The following FGR variants were observed in gnomAD, a reference collection of about 807,000 sequenced individuals.
FGR encodes the protein tyrosine-protein kinase Fgr.
FGR carries 26 observed loss-of-function variants against 63.2 expected under a neutral mutation model. The observed-to-expected ratio is 0.41, with a 90% confidence interval of 0.30 to 0.57. The LOEUF (loss-of-function observed/expected upper bound fraction) is 0.57, where lower values mean the gene tolerates loss of function less well. FGR is among the 20% of genes least tolerant of loss of function. The pLI is 0.27. For synonymous variants in FGR, 286 were observed against 277.7 expected, an observed-to-expected ratio of 1.03 and a Z score of -0.30; for missense variants, 511 against 690.8, an observed-to-expected ratio of 0.74 and a Z score of 2.92.
intron 1 of FGR, among the ~76,000 whole-genome samples, chr1:27,633,636 ACTCGTGGGCTCCAGCGATC>A: frequency 6.6e-6 from 1 of 152,094 alleles, no homozygotes; most frequent in Non-Finnish European, 1.5e-5. Flanking sequence ...GCAGCCTTGA[ACTCGTGGGCTCCAGCGATC>A]CTCCGGCCTC....
In FGR at chr1:27,615,664, G is replaced by A. The variant is rs747928185; in HGVS notation, c.838+25C>T. 38 of 1,592,380 alleles carry A rather than the reference G, an allele frequency of 2.4e-5. No individual in the cohort carries two copies. The highest frequency in any genetic ancestry group is 5.1e-5 in the Admixed American group (3 of 59,264). On this transcript the variant is annotated intron_variant, in intron 8 of 12. Coordinates refer to ENST00000374005, the MANE Select transcript of FGR (RefSeq NM_005248.3). The surrounding 1 kb of genome is among the most constrained non-coding windows in gnomAD (Gnocchi z 7.6). ...CCCTCTCCCCCGAGCCCAGGCCCTC[G>A]TCCCGGCCCCCGGGAGCTCCGTACC...
rs1571379889 is a variant in FGR at position 27,615,206 on chromosome 1, G to A, written c.1018+228C>T. Among the ~76,000 whole-genome samples the A allele has an allele frequency of 6.6e-6, 1 of 151,648 alleles. No homozygotes were observed. The highest frequency in any genetic ancestry group is 2.1e-4 in the South Asian group (1 of 4,766). On this transcript the variant is annotated intron_variant, in intron 9 of 12. Transcript: ENST00000374005. This position sits in a 1 kb window ranked among gnomAD's most constrained non-coding sequence, Gnocchi z 7.6. ...CCCGATTCTGCCTTCGTTAGCCCAA[G>A]CCCTACCCGCCTAACACCGGAGGCA... is the stretch of plus-strand genomic sequence containing the variant.
In FGR at chr1:27,621,672, C is replaced by G. The variant is rs2089929549; in HGVS notation, c.330-15G>C. 2 of 1,603,772 alleles carry G rather than the reference C, an allele frequency of 1.2e-6. No homozygotes were observed. Among genetic ancestry groups the G allele is most frequent in the African/African-American group, 2.7e-5 (2 of 74,648 alleles). ...AGTCACCTTCACTGTAGGCACAGAA[C>G]AGGGCATGGTCAGCAGCACCTCCAG... On this transcript the variant is annotated splice_polypyrimidine_tract_variant and intron_variant, in intron 4 of 12. Transcript: ENST00000374005.
chr1:27,633,468 G>A (rs953999647), intron 1 of FGR, among the ~76,000 whole-genome samples: 3 of 152,166 alleles, frequency 2.0e-5, no homozygotes, highest in Non-Finnish European at 1.5e-5. Context: ...CCCCAGTATG[G>A]GCTCTCATCA....
rs146161565 is a variant in FGR, at chr1:27,623,863, A to T, written c.54T>A (p.Asp18Glu). Reference sequence around the variant, plus strand: ...TTCTGAAGTCCCCTTCCAGGCCAGCATCCTCCTTGGCCGTGGCCACCGGCT... The same window carrying T: ...TTCTGAAGTCCCCTTCCAGGCCAGCTTCCTCCTTGGCCGTGGCCACCGGCT... Reference protein sequence around the residue: ...KLEPVATAKEDAGLEGDFRSY... With the variant: ...KLEPVATAKEEAGLEGDFRSY... Residue 18 changes from aspartate (D) to glutamate (E), a missense_variant, in exon 3 of 13, where the codon GAT (aspartate) becomes GAA (glutamate). Physicochemically the swap from Asp to Glu is conservative, Grantham distance 45. Transcript: ENST00000374005. The T allele has an allele frequency of 2.0e-5, 32 of 1,611,688 alleles. No homozygotes were observed. The African/African-American group carries it at 3.5e-4, about 17-fold the overall frequency.
chr1:27,622,651 A>C (rs1451671551), intron 4 of FGR, among the ~76,000 whole-genome samples: 2 of 152,116 alleles, frequency 1.3e-5, no homozygotes, highest in Non-Finnish European at 2.9e-5. Flanking sequence ...GATTACAGGC[A>C]TGCGCCACCA....
At chr1:27,629,351 C>G (rs2090071936) in intron 1 of FGR, among the ~76,000 whole-genome samples, 1 of 152,158 alleles carries the variant, frequency 6.6e-6, no homozygotes. Context: ...ACAGAATGAA[C>G]TCCCCTGAGC....
chr1:27,623,318 GAC>G, intron 3 of FGR, 174 bp from the exon 4 acceptor site: 1 of 610,772 alleles, frequency 1.6e-6, no homozygotes. Context: ...CACAGCTTAG[GAC>G]ACACAACTTC....
Position 27,617,586 on chromosome 1 carries a change from G to C in FGR, c.429-290C>G, listed in dbSNP as rs2148525466. Reference sequence around the variant, plus strand: ...CCATGGAGCCTCAGTTCATCTCACTGTAGCCCTTCTGTGCACTCATTTTAC... The same window carrying C: ...CCATGGAGCCTCAGTTCATCTCACTCTAGCCCTTCTGTGCACTCATTTTAC... On this transcript the variant is annotated intron_variant, in intron 5 of 12. Coordinates refer to ENST00000374005, the MANE Select transcript of FGR (RefSeq NM_005248.3). The surrounding 1 kb of genome is among the most constrained non-coding windows in gnomAD (Gnocchi z 4.5). Among the ~76,000 whole-genome samples the C allele has an allele frequency of 6.6e-6, 1 of 152,318 alleles. No homozygotes were observed. The highest frequency in any genetic ancestry group is 2.4e-5 in the African/African-American group (1 of 41,562).
chr1:27,628,629 C>T (rs2090060760), intron 1 of FGR, among the ~76,000 whole-genome samples: 1 of 151,960 alleles, frequency 6.6e-6, no homozygotes, highest in Non-Finnish European at 1.5e-5. Context: ...TAGACTTATA[C>T]AATCTCTCAT....
intron 1 of FGR, chr1:27,626,008 G>T: frequency 5.0e-6 from 2 of 399,098 alleles, no homozygotes; most frequent in Non-Finnish European, 8.8e-6. Flanking sequence ...AGCCACCCTA[G>T]GGTTCCATGT....
chr1:27,620,690 T>C (rs2089903876), intron 5 of FGR, among the ~76,000 whole-genome samples: 1 of 151,568 alleles, frequency 6.6e-6, no homozygotes, highest in African/African-American at 2.4e-5. Context: ...TGCTGTAGTA[T>C]ACTTGCTCAA....
intron 1 of FGR, among the ~76,000 whole-genome samples, chr1:27,633,076 C>T (rs1013059614): frequency 6.6e-6 from 1 of 152,166 alleles, no homozygotes; most frequent in Non-Finnish European, 1.5e-5. Flanking sequence ...TACAAACACT[C>T]ACACCCTCAC....
At chr1:27,630,057 T>C (rs79206650) in intron 1 of FGR, among the ~76,000 whole-genome samples, 1,801 of 152,246 alleles carry the variant, frequency 0.012, 21 homozygotes, top group Middle Eastern at 0.048. Context: ...GAGATTTTTT[T>C]TGTGATTTTT....
chr1:27,622,421 C>T (rs1471330568), intron 4 of FGR, among the ~76,000 whole-genome samples: 4 of 152,020 alleles, frequency 2.6e-5, no homozygotes, highest in Admixed American at 2.0e-4. Context: ...CAGAAGTCAT[C>T]ATTTATTCTC....
chr1:27,630,582 GGAGA>G (rs34719941), intron 1 of FGR, among the ~76,000 whole-genome samples: 3 of 150,520 alleles, frequency 2.0e-5, no homozygotes, highest in African/African-American at 4.9e-5. Flanking sequence ...GAGGGGCGCA[GGAGA>G]GAGAGAGAGA....
intron 12 of FGR, 30 bp from the exon 13 acceptor site, chr1:27,613,152 G>C (rs377253112): frequency 6.2e-7 from 1 of 1,611,218 alleles, no homozygotes; most frequent in Non-Finnish European, 8.5e-7. Context: ...CAGTCAAAGG[G>C]ACAGCCAGGT....
chr1:27,624,171 G>T, intron 2 of FGR: 1 of 453,724 alleles, frequency 2.2e-6, no homozygotes, highest in Non-Finnish European at 3.9e-6. Flanking sequence ...TATATCTCTG[G>T]GGCTGGCTTT....
rs2231870 is a variant in FGR, at chr1:27,621,621, G to A, written c.366C>T (p.Ser122=). 4.1e-3 allele frequency: 6,591 copies of A among 1,613,872 alleles called. 35 individuals are homozygous for A. Among genetic ancestry groups the A allele is most frequent in the Middle Eastern group, 0.027 (164 of 6,060 alleles). Reference sequence around the variant, plus strand: ...TGCTGGGAATGCAGCCAGTTTTTCCGGAGCTGAGAGACCGAGCCTCCCACC... The same window carrying A: ...TGCTGGGAATGCAGCCAGTTTTTCCAGAGCTGAGAGACCGAGCCTCCCACC... The part of the protein sequence containing the change: ...GDWWEARSLS[S]GKTGCIPSNY... The change falls in exon 5 of 13, where the codon TCC becomes TCT. Residue 122 remains serine, a synonymous_variant. Transcript: ENST00000374005.
Sources: allele counts gnomAD v4.1 joint callset (sites outside exome capture counted in the v4.1 genomes callset), GRCh38; gene constraint gnomAD v4.1.1; non-coding constraint Gnocchi (gnomAD v3.1); transcripts MANE v1.5; gene names NCBI Gene and HGNC (gene_info 2026-07-23, HGNC 2026-07-21).